HTR4: variants seen among roughly 807,000 people sequenced by gnomAD.
The protein encoded by HTR4 is 5-hydroxytryptamine receptor 4.
In HTR4, 16 loss-of-function variants were observed where a neutral mutation model predicts 36.8. That is an observed-to-expected ratio of 0.43 (90% CI 0.29 to 0.66). The LOEUF (loss-of-function observed/expected upper bound fraction) is 0.66. Among genes scored for constraint, HTR4 ranks in the 30% least tolerant of loss-of-function variants. The pLI is 0.13. For synonymous variants in HTR4, 189 were observed against 185.1 expected (o/e 1.02, Z -0.17); for missense variants, 438 against 490.9 (o/e 0.89, Z 1.02).
intron 1 of HTR4, among the ~76,000 whole-genome samples, chr5:148,651,833 G>A (rs370028775): frequency 6.6e-6 from 1 of 151,920 alleles, no homozygotes; most frequent in Admixed American, 6.6e-5. Context: ...AATATCAGAA[G>A]GTAATCATAA....
chr5:148,638,613 C>T (rs1753626239), intron 1 of HTR4, among the ~76,000 whole-genome samples: 1 of 152,040 alleles, frequency 6.6e-6, no homozygotes, highest in Admixed American at 6.5e-5. Flanking sequence ...TAAACTCTTC[C>T]TTTCTCATCT....
intron 4 of HTR4, among the ~76,000 whole-genome samples, chr5:148,545,364 A>C (rs1759336507): frequency 6.6e-6 from 1 of 152,274 alleles, no homozygotes; most frequent in Non-Finnish European, 1.5e-5. Flanking sequence ...AAATACCTAA[A>C]TAAGTATTTA....
intron 6 of HTR4, among the ~76,000 whole-genome samples, chr5:148,501,335 T>C (rs943416627): frequency 6.6e-6 from 1 of 152,196 alleles, no homozygotes; most frequent in African/African-American, 2.4e-5. Context: ...TGTAAATACA[T>C]TGAAATGATC....
At chr5:148,531,901 G>A (rs1256981627) in intron 4 of HTR4, among the ~76,000 whole-genome samples, 1 of 152,170 alleles carries the variant, frequency 6.6e-6, no homozygotes, top group African/African-American at 2.4e-5. Context: ...ATTTGACAAT[G>A]TCTGGAGACT....
intron 5 of HTR4, among the ~76,000 whole-genome samples, chr5:148,453,432 A>T (rs1191685717): frequency 6.6e-6 from 1 of 152,200 alleles, no homozygotes; most frequent in East Asian, 1.9e-4. Context: ...GCAATATTTT[A>T]TGTTAAAATG....
chr5:148,652,732 C>T (rs1754077444), intron 1 of HTR4, among the ~76,000 whole-genome samples: 1 of 152,036 alleles, frequency 6.6e-6, no homozygotes, highest in Non-Finnish European at 1.5e-5. Flanking sequence ...ATGACTGTGG[C>T]TCTCCTCTAT....
intron 6 of HTR4, chr5:148,484,252 A>G (rs1452663430): frequency 6.2e-7 from 1 of 1,611,732 alleles, no homozygotes; most frequent in Non-Finnish European, 8.5e-7. Context: ...ACAGAGAATC[A>G]TAGTTACCCC....
chr5:148,455,962 CA>C (rs893653897), intron 5 of HTR4, among the ~76,000 whole-genome samples: 2 of 152,032 alleles, frequency 1.3e-5, no homozygotes, highest in African/African-American at 4.8e-5. Flanking sequence ...CTTCCTGTCT[CA>C]GGGGTGGCAG....
chr5:148,541,336 A>C (rs1276312037), intron 4 of HTR4, among the ~76,000 whole-genome samples: 1 of 152,192 alleles, frequency 6.6e-6, no homozygotes, highest in South Asian at 2.1e-4. Context: ...GCTCAGCCAA[A>C]CATGCATGGA....
chr5:148,473,440 T>TA (rs1367081227), downstream of HTR4, among the ~76,000 whole-genome samples: 2 of 151,744 alleles, frequency 1.3e-5, no homozygotes, highest in Non-Finnish European at 1.5e-5. Flanking sequence ...GATTGGAAAA[T>TA]AAAAAATGAC....
chr5:148,547,028 T>C (rs1026846854), intron 4 of HTR4, among the ~76,000 whole-genome samples: 3 of 152,212 alleles, frequency 2.0e-5, no homozygotes, highest in African/African-American at 7.2e-5. Context: ...TGGAGTCTCA[T>C]TATACATGCA....
At chr5:148,646,440 C>T (rs950983344) in intron 1 of HTR4, 2 of 152,214 alleles carry the variant, frequency 1.3e-5, no homozygotes, top group African/African-American at 4.8e-5. Flanking sequence ...ATATCATGTG[C>T]TAATGATCAT....
chr5:148,537,720 C>T (rs182753940), intron 4 of HTR4, among the ~76,000 whole-genome samples: 17 of 152,188 alleles, frequency 1.1e-4, no homozygotes, highest in African/African-American at 4.1e-4. Flanking sequence ...CAATGATTAG[C>T]TCTGAAATTA....
At chr5:148,495,330 A>T (rs542756087) in intron 6 of HTR4, among the ~76,000 whole-genome samples, 2 of 152,310 alleles carry the variant, frequency 1.3e-5, no homozygotes, top group South Asian at 4.1e-4. Context: ...TCAAAACTGG[A>T]ATCTTTAGCA....
At chr5:148,527,630 A>T (rs560152713) in intron 4 of HTR4, among the ~76,000 whole-genome samples, 112 of 152,206 alleles carry the variant, frequency 7.4e-4, no homozygotes, top group African/African-American at 2.6e-3. Context: ...CACATTTTTT[A>T]ATTTGAAACA....
chr5:148,646,149 G>T (rs1753872038), intron 1 of HTR4: 1 of 152,242 alleles, frequency 6.6e-6, no homozygotes, highest in African/African-American at 2.4e-5. Context: ...AAATGCCCCA[G>T]TGATTCTGAT....
chr5:148,642,866 A>G (rs1753769028), intron 1 of HTR4, among the ~76,000 whole-genome samples: 1 of 152,138 alleles, frequency 6.6e-6, no homozygotes, highest in South Asian at 2.1e-4. Flanking sequence ...TCTCTTTAAA[A>G]GAATTTCTGC....
At chr5:148,614,575 A>G (rs1201687307) in intron 2 of HTR4, among the ~76,000 whole-genome samples, 1 of 152,200 alleles carries the variant, frequency 6.6e-6, no homozygotes, top group Non-Finnish European at 1.5e-5. Flanking sequence ...AACCATAAAA[A>G]CCCTAGAAGA....
intron 1 of HTR4, among the ~76,000 whole-genome samples, chr5:148,651,144 T>A (rs1222011142): frequency 6.6e-6 from 1 of 152,194 alleles, no homozygotes; most frequent in African/African-American, 2.4e-5. Context: ...ATAAGATCAT[T>A]CTCATTAAGC....
Sources: gnomAD v4.1 joint callset for allele counts (sites outside exome capture counted in the v4.1 genomes callset) on GRCh38, gnomAD v4.1.1 for gene constraint, MANE v1.5 for transcripts, NCBI Gene and HGNC (gene_info 2026-07-23, HGNC 2026-07-21) for gene names.